CFAP44: variants seen among roughly 807,000 people sequenced by gnomAD.
CFAP44 encodes the protein cilia and flagella associated protein 44, also known as cilia- and flagella-associated protein 44.
In CFAP44, 134 loss-of-function variants were observed where a neutral mutation model predicts 216.2. The ratio of observed to expected loss-of-function variants is 0.62; its 90% CI spans 0.54 to 0.72. CFAP44 has a LOEUF of 0.72. Among genes scored for constraint, CFAP44 ranks in the 30% least tolerant of loss-of-function variants. The pLI is 0.00. For missense variants in CFAP44, 2,035 were observed against 2,182.1 expected, an observed-to-expected ratio of 0.93 and a Z score of 1.34; for synonymous variants, 700 against 727.6, an observed-to-expected ratio of 0.96 and a Z score of 0.61.
intron 24 of CFAP44, among the ~76,000 whole-genome samples, chr3:113,338,730 G>C (rs969159139): frequency 6.6e-5 from 10 of 152,288 alleles, no homozygotes; most frequent in Non-Finnish European, 1.3e-4. Flanking sequence ...TTCATTTGCT[G>C]TAAGTCCTGT....
At chr3:113,422,118 G>A (rs991878225) in intron 4 of CFAP44, among the ~76,000 whole-genome samples, 5 of 152,016 alleles carry the variant, frequency 3.3e-5, no homozygotes, top group Non-Finnish European at 5.9e-5. Context: ...AGTTAAATGA[G>A]CTCAATCTAT....
In CFAP44 at chr3:113,427,223, T is replaced by C. The variant is rs1302099677; in HGVS notation, c.217A>G (p.Ser73Gly). The C allele has an allele frequency of 6.2e-7, 1 of 1,613,416 alleles. No individual in the cohort carries two copies. The highest frequency in any genetic ancestry group is 1.7e-5 in the Admixed American group (1 of 59,910). The part of the protein sequence containing the change: ...SDEERLEGSL[S>G]SFQYGDLQST... The stretch of plus-strand genomic sequence containing the variant: ...TGCAAATCACCATACTGAAATGAAC[T>C]CAAACTTCCTTCCAAACGTTCCTCA... Residue 73 changes from serine to glycine, a missense_variant, in exon 3 of 35, where the codon AGT becomes GGT. Ser to Gly is a moderately conservative substitution (Grantham distance 56). Around this residue, in one of 3 missense-constraint regions of CFAP44, gnomAD observed 149 missense variants for 141.8 expected, o/e 1.05. Transcript: ENST00000393845.
At chr3:113,318,108 T>C (rs866817402) in intron 28 of CFAP44, among the ~76,000 whole-genome samples, 29 of 152,154 alleles carry the variant, frequency 1.9e-4, no homozygotes, top group Admixed American at 9.8e-4. Flanking sequence ...AATCTGGATG[T>C]CAAGGAAGCT....
chr3:113,313,886 G>A (rs1394432819), intron 28 of CFAP44, among the ~76,000 whole-genome samples: 1 of 152,156 alleles, frequency 6.6e-6, no homozygotes, highest in Non-Finnish European at 1.5e-5. Context: ...TTTATCAGCA[G>A]TGTGAGAACA....
At chr3:113,431,598 TGGTGTGGA>T (rs1235264175) in intron 2 of CFAP44, among the ~76,000 whole-genome samples, 2 of 152,060 alleles carry the variant, frequency 1.3e-5, no homozygotes, top group Non-Finnish European at 2.9e-5. Flanking sequence ...ACTCTAGTGG[TGGTGTGGA>T]GGGAGATCTG....
At chr3:113,412,201 T>C (rs1934498138) in intron 6 of CFAP44, among the ~76,000 whole-genome samples, 1 of 152,128 alleles carries the variant, frequency 6.6e-6, no homozygotes, top group Non-Finnish European at 1.5e-5. Flanking sequence ...GGAATTCAAT[T>C]AGGAAAAGAG....
intron 25 of CFAP44, among the ~76,000 whole-genome samples, chr3:113,332,834 A>G (rs1412403707): frequency 6.6e-6 from 1 of 152,192 alleles, no homozygotes; most frequent in Non-Finnish European, 1.5e-5. Flanking sequence ...TTTTAAATCT[A>G]AGTCTTTGGT....
At chr3:113,337,070 C>T (rs937855220) in intron 24 of CFAP44, among the ~76,000 whole-genome samples, 3 of 150,062 alleles carry the variant, frequency 2.0e-5, no homozygotes, top group African/African-American at 4.9e-5. Flanking sequence ...ACCAAGAAAC[C>T]TACCAAAAAA....
intron 7 of CFAP44, among the ~76,000 whole-genome samples, chr3:113,407,923 T>A (rs1934331666): frequency 6.6e-6 from 1 of 152,194 alleles, no homozygotes; most frequent in Non-Finnish European, 1.5e-5. Context: ...TGAAATTAAC[T>A]GTTCAATGTC....
Position 113,346,058 on chromosome 3 carries a change from G to A in CFAP44, c.3066-1346C>T, listed in dbSNP as rs1428854505. Among the ~76,000 whole-genome samples the A allele has an allele frequency of 5.9e-5, 9 of 152,270 alleles. No homozygotes were observed. In the South Asian group the frequency reaches 1.9e-3, roughly 32 times the overall value. On this transcript the variant is annotated intron_variant, in intron 22 of 34. Coordinates refer to ENST00000393845, the MANE Select transcript of CFAP44 (RefSeq NM_001164496.2). ...CAGCTGGACTTCCTGGGTTGAGTGG[G>A]GACTTGGAGAACTTTTCTGTCTAGC...
At chr3:113,394,676 T>C (rs1027332494) in intron 15 of CFAP44, among the ~76,000 whole-genome samples, 3 of 152,132 alleles carry the variant, frequency 2.0e-5, no homozygotes, top group Admixed American at 2.0e-4. Context: ...AGAAGAATTG[T>C]CTTGGCCCAC....
rs907192310 is a variant in CFAP44, at chr3:113,366,114, G to A, written c.2640C>T (p.Gly880=). 1.2e-6 allele frequency: 2 copies of A among 1,613,640 alleles called. No homozygotes were observed. The highest frequency in any genetic ancestry group is 3.3e-5 in the Admixed American group (2 of 59,984). Residue 880 remains glycine, a synonymous_variant, in exon 19 of 35, where the codon GGC becomes GGT. Transcript: ENST00000393845. ...AAAAAATGTTGAAAACAAAGATATT[G>A]CCATCTGCTCCAGCAGTCACCAAGA... The part of the protein sequence containing the change: ...DRFLVTAGAD[G]NIFVFNIFSE...
At chr3:113,345,308 C>A (rs1178706429) in intron 22 of CFAP44, among the ~76,000 whole-genome samples, 2 of 151,624 alleles carry the variant, frequency 1.3e-5, no homozygotes, top group Non-Finnish European at 2.9e-5. Flanking sequence ...ACTCTCATTC[C>A]CCAGAGACTA....
intron 9 of CFAP44, 56 bp downstream of exon 9, chr3:113,403,796 G>A (rs1934202683): frequency 1.3e-6 from 2 of 1,538,118 alleles, no homozygotes; most frequent in Admixed American, 3.7e-5. Flanking sequence ...AAACCCTTTG[G>A]GTGAGCTACA....
intron 17 of CFAP44, among the ~76,000 whole-genome samples, chr3:113,375,477 T>C (rs773314978): frequency 3.9e-5 from 6 of 152,166 alleles, no homozygotes; most frequent in Non-Finnish European, 8.8e-5. Flanking sequence ...TCTTGAATGA[T>C]GTAAGATACA....
In CFAP44 at chr3:113,296,775, T is replaced by C; in HGVS notation, c.5188A>G (p.Arg1730Gly). ...VNTTLEELKIRKLRKELANAK... is the reference protein window; with the variant it reads ...VNTTLEELKIGKLRKELANAK... Reference sequence around the variant, plus strand: ...TTTGCTAGCTCCTTTCGAAGTTTTCTGATCTTCAGTTCTTCAAGTGTTGTA... The same window carrying C: ...TTTGCTAGCTCCTTTCGAAGTTTTCCGATCTTCAGTTCTTCAAGTGTTGTA... The change falls in exon 33 of 35, where the codon AGA becomes GGA. Residue 1730 changes from arginine (R) to glycine (G), a missense_variant. Coordinates refer to ENST00000393845, the MANE Select transcript of CFAP44 (RefSeq NM_001164496.2). 6.5e-7 allele frequency: 1 copy of C among 1,537,848 alleles called. No individual in the cohort carries two copies.
chr3:113,385,786 T>C (rs115963143), intron 15 of CFAP44, among the ~76,000 whole-genome samples: 4,330 of 150,754 alleles, frequency 0.029, 107 homozygotes, highest in East Asian at 0.1. Context: ...ACTATAGGCA[T>C]GCCACCACAA....
chr3:113,356,858 A>G (rs1256830900), intron 22 of CFAP44, among the ~76,000 whole-genome samples: 1 of 152,172 alleles, frequency 6.6e-6, no homozygotes, highest in African/African-American at 2.4e-5. Flanking sequence ...CTATTAAGAG[A>G]CTAAAGCCAC....
chr3:113,412,308 T>G (rs924665486), intron 6 of CFAP44, among the ~76,000 whole-genome samples: 2 of 152,154 alleles, frequency 1.3e-5, no homozygotes, highest in African/African-American at 4.8e-5. Context: ...ACTCTATGGA[T>G]TCACCTCAAA....
Sources: allele counts gnomAD v4.1 joint callset (sites outside exome capture counted in the v4.1 genomes callset), GRCh38; gene constraint gnomAD v4.1.1; regional missense constraint gnomAD v4.1.1; transcripts MANE v1.5; gene names NCBI Gene and HGNC (gene_info 2026-07-23, HGNC 2026-07-21).